The following CNTNAP5 variants were observed in gnomAD, a reference collection of about 807,000 sequenced individuals.
The protein encoded by CNTNAP5 is contactin-associated protein-like 5.
A neutral mutation model predicts 150.2 loss-of-function variants in CNTNAP5; 72 were observed. The ratio of observed to expected loss-of-function variants is 0.48; its 90% CI spans 0.40 to 0.58. CNTNAP5 has a LOEUF of 0.58. Ranked by LOEUF, CNTNAP5 falls within the 20% of genes least tolerant of loss-of-function variation. The pLI is 0.00. For synonymous variants in CNTNAP5, 672 were observed against 619.8 expected, an observed-to-expected ratio of 1.08 and a Z score of -1.25; for missense variants, 1,636 against 1,626.2, an observed-to-expected ratio of 1.01 and a Z score of -0.10.
At chr2:124,118,789 A>G (rs938886805) in intron 1 of CNTNAP5, among the ~76,000 whole-genome samples, 5 of 152,234 alleles carry the variant, frequency 3.3e-5, no homozygotes. Context: ...CTTCGTAATA[A>G]CCCACATGCT....
At chr2:124,109,463 G>A (rs534237593) in intron 1 of CNTNAP5, among the ~76,000 whole-genome samples, 2 of 152,316 alleles carry the variant, frequency 1.3e-5, no homozygotes, top group East Asian at 3.9e-4. Context: ...CAGGACACAT[G>A]AGGTAGGCGC....
intron 1 of CNTNAP5, among the ~76,000 whole-genome samples, chr2:124,080,214 G>T (rs1682528745): frequency 6.6e-6 from 1 of 152,094 alleles, no homozygotes; most frequent in African/African-American, 2.4e-5. Context: ...CAGTGTTCTA[G>T]CCCTATAAAC....
At chr2:124,305,111 C>CAAAAAAAAA (rs57896748) in intron 3 of CNTNAP5, among the ~76,000 whole-genome samples, 489 of 85,808 alleles carry the variant, frequency 5.7e-3, no homozygotes, top group East Asian at 0.011. Flanking sequence ...ACAAAAAATA[C>CAAAAAAAAA]AAAAAAAAAA....
At chr2:124,786,398 AGAAG>A (rs773411166) in intron 17 of CNTNAP5, among the ~76,000 whole-genome samples, 1,207 of 44,932 alleles carry the variant, frequency 0.027, 41 homozygotes, top group Middle Eastern at 0.036. Flanking sequence ...AAAGAAAGAA[AGAAG>A]GAAGGAAGGA....
intron 1 of CNTNAP5, among the ~76,000 whole-genome samples, chr2:124,142,603 C>T (rs199696037): frequency 0.059 from 8,019 of 135,634 alleles, 319 homozygotes; most frequent in East Asian, 0.19. Context: ...AGAACAAAGA[C>T]ACCACATACC....
chr2:124,350,029 C>A (rs925789135), intron 3 of CNTNAP5, among the ~76,000 whole-genome samples: 1 of 151,830 alleles, frequency 6.6e-6, no homozygotes, highest in Non-Finnish European at 1.5e-5. Context: ...GGATTACAGG[C>A]ACCCACAACC....
chr2:124,509,303 G>C (rs1694498091), intron 8 of CNTNAP5, among the ~76,000 whole-genome samples: 2 of 152,188 alleles, frequency 1.3e-5, no homozygotes, highest in Non-Finnish European at 2.9e-5. Flanking sequence ...TAGGGATGAA[G>C]TTTCAGGAAG....
At position 124,031,833 on chromosome 2, in the gene CNTNAP5, A is replaced by G. The variant is rs528897589; in HGVS notation, c.82+6101A>G. On this transcript the variant is annotated intron_variant, in intron 1 of 23. Coordinates refer to ENST00000682447, the MANE Select transcript of CNTNAP5 (RefSeq NM_001367498.1). ...ATACTCAATGGGGCTTTATTAATAA[A>G]TTATTGAAAAGATCTCTCTTTTTTT... 2.0e-5 allele frequency among the ~76,000 whole-genome samples: 3 copies of G among 152,312 alleles called. No individual in the cohort carries two copies. In the South Asian group the frequency reaches 6.2e-4, roughly 32 times the overall value.
chr2:124,882,790 G>A (rs866383899), intron 21 of CNTNAP5, among the ~76,000 whole-genome samples: 4 of 152,128 alleles, frequency 2.6e-5, no homozygotes, highest in Admixed American at 6.5e-5. Flanking sequence ...ACAGTTCCAC[G>A]TGGCTGGGGA....
intron 23 of CNTNAP5, 109 bp downstream of exon 23, chr2:124,911,647 CT>C: frequency 1.2e-6 from 1 of 817,570 alleles, no homozygotes; most frequent in South Asian, 1.5e-5. Flanking sequence ...TCAGAGCCCC[CT>C]ACATTACCTG....
At chr2:124,073,516 A>G (rs1324241541) in intron 1 of CNTNAP5, among the ~76,000 whole-genome samples, 1 of 152,156 alleles carries the variant, frequency 6.6e-6, no homozygotes, top group African/African-American at 2.4e-5. Context: ...TCCCATAGGA[A>G]AGATTGACTG....
intron 19 of CNTNAP5, among the ~76,000 whole-genome samples, chr2:124,849,234 C>T (rs566158063): frequency 6.6e-6 from 1 of 151,992 alleles, no homozygotes; most frequent in Non-Finnish European, 1.5e-5. Context: ...AGAGGTTGTC[C>T]TTTTTTACAT....
In CNTNAP5 at chr2:124,819,666, C is replaced by G. The variant is rs912536721; in HGVS notation, c.3217+21346C>G. 2.6e-5 allele frequency among the ~76,000 whole-genome samples: 4 copies of G among 152,144 alleles called. No homozygotes were observed. The South Asian group carries it at 6.2e-4, about 24-fold the overall frequency. ...TAGCTTCAGGGCTGAAATTAAGAAC[C>G]AGGTTAGACCACTCAAAGTTAAAGG... On this transcript the variant is annotated intron_variant, in intron 19 of 23. Transcript: ENST00000682447.
chr2:124,741,124 T>C (rs1002991636), intron 13 of CNTNAP5, among the ~76,000 whole-genome samples: 1 of 152,160 alleles, frequency 6.6e-6, no homozygotes, highest in Non-Finnish European at 1.5e-5. Flanking sequence ...CTAAAACTCT[T>C]CTTGTTGGCA....
At chr2:124,660,043 A>AAGG (rs1558724333) in intron 13 of CNTNAP5, among the ~76,000 whole-genome samples, 26 of 130,838 alleles carry the variant, frequency 2.0e-4, no homozygotes, top group African/African-American at 7.5e-4. Context: ...AGGAAGGAAG[A>AAGG]AAGGAAGGAA....
chr2:124,591,695 T>C (rs929260010), intron 11 of CNTNAP5, among the ~76,000 whole-genome samples: 5 of 152,160 alleles, frequency 3.3e-5, no homozygotes, highest in African/African-American at 1.2e-4. Flanking sequence ...ACTCATATTT[T>C]AAAGCTTACC....
chr2:124,829,634 G>A (rs1682671259), intron 19 of CNTNAP5, among the ~76,000 whole-genome samples: 1 of 151,574 alleles, frequency 6.6e-6, no homozygotes, highest in African/African-American at 2.4e-5. Context: ...AACAAAATTG[G>A]AACATGCATT....
chr2:124,637,529 G>A (rs141061858), intron 12 of CNTNAP5, among the ~76,000 whole-genome samples: 1 of 152,262 alleles, frequency 6.6e-6, no homozygotes, highest in Middle Eastern at 3.4e-3. Flanking sequence ...CTGCCAGATC[G>A]TTGCATTGTG....
At chr2:124,683,996 G>A (rs1243451990) in intron 13 of CNTNAP5, among the ~76,000 whole-genome samples, 2 of 152,130 alleles carry the variant, frequency 1.3e-5, no homozygotes, top group African/African-American at 2.4e-5. Context: ...GAGCCAGATT[G>A]TGCTAAAGAA....
Sources: allele counts gnomAD v4.1 joint callset (sites outside exome capture counted in the v4.1 genomes callset), GRCh38; gene constraint gnomAD v4.1.1; transcripts MANE v1.5; gene names NCBI Gene and HGNC (gene_info 2026-07-23, HGNC 2026-07-21).